The following STARD13 variants were observed in gnomAD, a reference collection of about 807,000 sequenced individuals.
STARD13 encodes the protein stAR-related lipid transfer protein 13.
STARD13 carries 62 observed loss-of-function variants against 106.4 expected under a neutral mutation model. The ratio of observed to expected loss-of-function variants is 0.58; its 90% CI spans 0.48 to 0.72. STARD13 has a LOEUF of 0.72. Among genes scored for constraint, STARD13 ranks in the 30% least tolerant of loss-of-function variants. The pLI is 0.00. For missense variants in STARD13, 1,387 were observed against 1,424.0 expected, an observed-to-expected ratio of 0.97 and a Z score of 0.42; for synonymous variants, 565 against 553.0, an observed-to-expected ratio of 1.02 and a Z score of -0.31.
At chr13:33,221,635 G>C (rs1488431180) in intron 1 of STARD13, among the ~76,000 whole-genome samples, 1 of 152,110 alleles carries the variant, frequency 6.6e-6, no homozygotes, top group Admixed American at 6.5e-5. Context: ...CTCCATGCAG[G>C]ACTGGCTATA....
At chr13:33,195,111 T>C (rs1033792669) in intron 1 of STARD13, among the ~76,000 whole-genome samples, 1 of 152,272 alleles carries the variant, frequency 6.6e-6, no homozygotes, top group African/African-American at 2.4e-5. Context: ...GATGTAATCA[T>C]GTTCAATGAG....
At chr13:33,139,816 G>T (rs1879575778) in intron 4 of STARD13, among the ~76,000 whole-genome samples, 1 of 151,984 alleles carries the variant, frequency 6.6e-6, no homozygotes, top group Admixed American at 6.6e-5. Context: ...GTAAGAGGAA[G>T]ATCACAGAAA....
intron 7 of STARD13, among the ~76,000 whole-genome samples, chr13:33,122,004 C>A (rs1010002642): frequency 6.6e-6 from 1 of 152,198 alleles, no homozygotes; most frequent in African/African-American, 2.4e-5. Context: ...TGCCACCATG[C>A]CCAGCTAACT....
chr13:33,363,238 T>C, the STARD13 span, among the ~76,000 whole-genome samples: 3 of 152,226 alleles, frequency 2.0e-5, no homozygotes, highest in African/African-American at 7.2e-5. Flanking sequence ...ATGCCTTCAG[T>C]TAAGTTCCAT....
At chr13:33,407,769 G>A in the STARD13 span, among the ~76,000 whole-genome samples, 9 of 152,292 alleles carry the variant, frequency 5.9e-5, no homozygotes, top group African/African-American at 7.2e-5. Context: ...TGCCTTAACC[G>A]CCTGGGTGGC....
chr13:33,340,263 G>A (rs1249556548), intron 1 of STARD13, among the ~76,000 whole-genome samples: 1 of 152,132 alleles, frequency 6.6e-6, no homozygotes, highest in Non-Finnish European at 1.5e-5. Flanking sequence ...GAGTGCAGTG[G>A]TGCAATCATG....
chr13:33,350,280 G>C (rs1295655802), intron 1 of STARD13: 1 of 1,528,394 alleles, frequency 6.5e-7, no homozygotes, highest in Non-Finnish European at 8.7e-7. Flanking sequence ...GGCGTCTCCG[G>C]GGCACTGACC....
chr13:33,488,727 T>G, the STARD13 span, among the ~76,000 whole-genome samples: 4 of 152,208 alleles, frequency 2.6e-5, no homozygotes, highest in Admixed American at 2.0e-4. Flanking sequence ...TCCTTTCTTC[T>G]CTCCAACTAC....
intron 1 of STARD13, among the ~76,000 whole-genome samples, chr13:33,230,450 C>T (rs1388572613): frequency 6.6e-6 from 1 of 152,230 alleles, no homozygotes; most frequent in Non-Finnish European, 1.5e-5. Flanking sequence ...TCCAACATTA[C>T]TTTGCCCAGC....
chr13:33,496,842 G>C, the STARD13 span, among the ~76,000 whole-genome samples: 37 of 152,108 alleles, frequency 2.4e-4, no homozygotes, highest in African/African-American at 8.2e-4. Flanking sequence ...AATTCTATTA[G>C]ATCCTTGAGT....
chr13:33,301,586 G>A (rs1398552638), intron 1 of STARD13, among the ~76,000 whole-genome samples: 1 of 57,284 alleles, frequency 1.7e-5, no homozygotes, highest in Non-Finnish European at 3.2e-5. Flanking sequence ...TTTTTTTTTT[G>A]AGACGGAGTC....
the STARD13 span, among the ~76,000 whole-genome samples, chr13:33,419,774 C>G: frequency 8.5e-5 from 13 of 152,220 alleles, no homozygotes; most frequent in Non-Finnish European, 1.8e-4. Flanking sequence ...AGAAACCCTA[C>G]AAGCCAGAAG....
the STARD13 span, among the ~76,000 whole-genome samples, chr13:33,466,719 T>G: frequency 6.6e-6 from 1 of 152,180 alleles, no homozygotes; most frequent in African/African-American, 2.4e-5. Flanking sequence ...AAATATAGAC[T>G]AAACCCCAAC....
the STARD13 span, among the ~76,000 whole-genome samples, chr13:33,490,020 A>C: frequency 3.3e-5 from 5 of 152,240 alleles, no homozygotes; most frequent in African/African-American, 1.2e-4. Context: ...GACATAAAGT[A>C]ATAATATTAC....
the STARD13 span, among the ~76,000 whole-genome samples, chr13:33,372,141 C>G: frequency 6.6e-6 from 1 of 152,286 alleles, no homozygotes; most frequent in East Asian, 1.9e-4. Flanking sequence ...TAGACATAAG[C>G]AGTCGGGGAA....
the STARD13 span, among the ~76,000 whole-genome samples, chr13:33,511,714 C>T: frequency 6.6e-6 from 1 of 152,134 alleles, no homozygotes; most frequent in Non-Finnish European, 1.5e-5. Context: ...AAGTACAAAA[C>T]TGGTCGCTGA....
At chr13:33,194,279 A>G (rs1886459734) in intron 1 of STARD13, among the ~76,000 whole-genome samples, 1 of 152,206 alleles carries the variant, frequency 6.6e-6, no homozygotes, top group African/African-American at 2.4e-5. Flanking sequence ...CTTCAAAAAA[A>G]CCTTAAAAAT....
At chr13:33,663,748 A>G in the STARD13 span, among the ~76,000 whole-genome samples, 1 of 152,208 alleles carries the variant, frequency 6.6e-6, no homozygotes. Flanking sequence ...TCAAGTGGAC[A>G]GCAGAGCAGG....
the STARD13 span, among the ~76,000 whole-genome samples, chr13:33,473,374 T>G: frequency 6.6e-6 from 1 of 152,190 alleles, no homozygotes; most frequent in Non-Finnish European, 1.5e-5. Context: ...CTAGTAAGTG[T>G]CAGAAATCAC....
Sources: gnomAD v4.1 joint callset for allele counts (sites outside exome capture counted in the v4.1 genomes callset) on GRCh38, gnomAD v4.1.1 for gene constraint, MANE v1.5 for transcripts, NCBI Gene and HGNC (gene_info 2026-07-23, HGNC 2026-07-21) for gene names.